Variants in LIG1 observed in about 807,000 individuals in gnomAD.
LIG1 encodes DNA ligase 1, also known as ligase I, DNA, ATP-dependent.
A neutral mutation model predicts 115.7 loss-of-function variants in LIG1; 70 were observed. The ratio of observed to expected loss-of-function variants is 0.60; its 90% CI spans 0.50 to 0.74. LIG1 has a LOEUF of 0.74. Among genes scored for constraint, LIG1 ranks in the 30% least tolerant of loss-of-function variants. The probability of loss-of-function intolerance (pLI) is 0.00; values close to 1 mark genes in which losing one functional copy is unlikely to be tolerated. For missense variants in LIG1, 1,115 were observed against 1,225.6 expected (o/e 0.91, Z 1.35); for synonymous variants, 487 against 495.3 (o/e 0.98, Z 0.22).
At chr19:48,136,380 T>A (rs139318154) in intron 14 of LIG1, among the ~76,000 whole-genome samples, 39 of 152,240 alleles carry the variant, frequency 2.6e-4, no homozygotes, top group Non-Finnish European at 4.4e-4. Flanking sequence ...GCACCTCCCA[T>A]CTCAGCTGCC....
rs186694554 is a variant in LIG1 at position 48,134,257 on chromosome 19, C to T, written c.1524-191G>A. ...CGTGTCACTATCTGTTGCTTTGTCTCCCTTAGTCTGGCCTTGCCCCTGTTC... is the reference window on the plus strand; with the variant it reads ...CGTGTCACTATCTGTTGCTTTGTCTTCCTTAGTCTGGCCTTGCCCCTGTTC... On this transcript the variant is annotated intron_variant, in intron 16 of 27. Transcript: ENST00000263274. 2.5e-3 allele frequency among the ~76,000 whole-genome samples: 387 copies of T among 152,340 alleles called. 6 individuals are homozygous for T. Among genetic ancestry groups the T allele is most frequent in the Admixed American group, 0.02 (312 of 15,304 alleles).
At chr19:48,131,302 A>G (rs574609923) in intron 18 of LIG1, 131 bp from the exon 19 acceptor site, 2 of 691,588 alleles carry the variant, frequency 2.9e-6, no homozygotes, top group East Asian at 2.7e-5. Context: ...CAGAGACTTG[A>G]GCGAATCATC....
At chr19:48,124,993 C>T (rs1292609985) in intron 21 of LIG1, among the ~76,000 whole-genome samples, 3 of 143,378 alleles carry the variant, frequency 2.1e-5, no homozygotes, top group Admixed American at 7.2e-5. Context: ...CCAGCCTGGG[C>T]GACAGAGACT....
intron 1 of LIG1, chr19:48,165,863 T>A: frequency 1.9e-6 from 1 of 522,776 alleles, no homozygotes; most frequent in Non-Finnish European, 3.4e-6. Flanking sequence ...GAAGACTGTT[T>A]TTCATCTAAT....
Position 48,115,528 on chromosome 19 carries a change from C to A in LIG1, c.*121G>T. On this transcript the variant is annotated 3_prime_UTR_variant, in exon 28 of 28. Coordinates refer to ENST00000263274, the MANE Select transcript of LIG1 (RefSeq NM_000234.3). ...TAAGCCACCCCCTCACACACACACC[C>A]CTCCCCTGACTCTCAAAATCCACAG... 4 of 739,914 alleles carry A rather than the reference C, an allele frequency of 5.4e-6. No individual in the cohort carries two copies. Among genetic ancestry groups the A allele is most frequent in the Non-Finnish European group, 9.6e-6 (4 of 417,368 alleles). 45.8% of individuals were successfully genotyped at this position (739,914 alleles called of 1,614,324 possible).
chr19:48,154,303 A>T, intron 5 of LIG1: 1 of 355,402 alleles, frequency 2.8e-6, no homozygotes, highest in Non-Finnish European at 5.5e-6. Context: ...CTCAGATCTT[A>T]ACTGCCTCCA....
chr19:48,118,142 CAG>C (rs1461400163), intron 25 of LIG1, among the ~76,000 whole-genome samples: 3 of 152,076 alleles, frequency 2.0e-5, no homozygotes, highest in African/African-American at 4.8e-5. Flanking sequence ...AGGAAGGAGA[CAG>C]AGACACAGTG....
intron 11 of LIG1, among the ~76,000 whole-genome samples, chr19:48,142,444 A>AAAAAAAAAAAAAAAAAAAAC (rs1370125052): frequency 9.5e-6 from 1 of 104,828 alleles, no homozygotes; most frequent in African/African-American, 4.9e-5. Context: ...CTCCATCTCA[A>AAAAAAAAAAAAAAAAAAAAC]AAAAAAAAAA....
chr19:48,165,799 G>A (rs1468817566), intron 1 of LIG1, 176 bp from the exon 2 acceptor site: 3 of 641,238 alleles, frequency 4.7e-6, no homozygotes, highest in Non-Finnish European at 8.3e-6. Context: ...ATTTACTGGT[G>A]CAGAATAAAA....
At position 48,149,772 on chromosome 19, in the gene LIG1, G is replaced by A; in HGVS notation, c.767C>T (p.Ala256Val). 2 of 1,613,764 alleles carry A rather than the reference G, an allele frequency of 1.2e-6. No individual in the cohort carries two copies. The highest frequency in any genetic ancestry group is 8.5e-7 in the Non-Finnish European group (1 of 1,179,658). The change falls in exon 9 of 28, where the codon GCT (alanine) becomes GTT (valine). Residue 256 changes from alanine to valine, a missense_variant. Physicochemically the swap from Ala to Val is moderately conservative, Grantham distance 64 (BLOSUM62 0). Coordinates refer to ENST00000263274, the MANE Select transcript of LIG1 (RefSeq NM_000234.3). ...CTGGACACTGACTCACCCCTCAGCA[G>A]CTCCCTCCTTTCCTGGAGCCCCTGG... ...EEPGAPGKEGAAEGPLDPSGY... is the reference protein window; with the variant it reads ...EEPGAPGKEGVAEGPLDPSGY...
At chr19:48,162,406 C>A (rs187647785) in intron 2 of LIG1, 55 bp from the exon 3 acceptor site, 2 of 1,246,326 alleles carry the variant, frequency 1.6e-6, no homozygotes, top group Admixed American at 1.7e-5. Context: ...CAATACCCTG[C>A]CTATCTATGC....
chr19:48,133,362 C>G, intron 17 of LIG1: 1 of 491,796 alleles, frequency 2.0e-6, no homozygotes, highest in Non-Finnish European at 3.7e-6. Flanking sequence ...AATCTGGTTG[C>G]CTCCCCTCCC....
Position 48,131,256 on chromosome 19 carries a change from T to C in LIG1, c.1726-85A>G, listed in dbSNP as rs1163019111. 3 of 975,230 alleles carry C rather than the reference T, an allele frequency of 3.1e-6. No homozygotes were observed. The African/African-American group carries it at 4.8e-5, about 16-fold the overall frequency. The allele number at this position is 975,230 out of a possible 1,614,324, so 60.4% of individuals were successfully genotyped here. ...TCTCTTCTGACCCCACCTGCACTGG[T>C]AGAAGGTTCTGGAAGCTCTGGAGGA... On this transcript the variant is annotated intron_variant, in intron 18 of 27. Coordinates refer to ENST00000263274, the MANE Select transcript of LIG1 (RefSeq NM_000234.3).
At chr19:48,116,397 G>A (rs1253709366) in intron 26 of LIG1, among the ~76,000 whole-genome samples, 2 of 144,102 alleles carry the variant, frequency 1.4e-5, no homozygotes, top group African/African-American at 5.3e-5. Context: ...GCAGTGAGCT[G>A]AGATTGCGCC....
At position 48,115,978 on chromosome 19, in the gene LIG1, G is replaced by T. The variant is rs1460344238; in HGVS notation, c.2584-13C>A. 6.2e-6 allele frequency: 10 copies of T among 1,606,884 alleles called. No homozygotes were observed. Among genetic ancestry groups the T allele is most frequent in the Non-Finnish European group, 8.5e-6 (10 of 1,174,770 alleles). On this transcript the variant is annotated splice_polypyrimidine_tract_variant and intron_variant, in intron 26 of 27. Coordinates refer to ENST00000263274, the MANE Select transcript of LIG1 (RefSeq NM_000234.3). ...TGTCACTATCCACCTGCGGAAGCGG[G>T]ATGGAGACTCCTGCGGTCCAGCCCC...
intron 21 of LIG1, among the ~76,000 whole-genome samples, chr19:48,124,306 T>C (rs2033516123): frequency 6.6e-6 from 1 of 152,206 alleles, no homozygotes. Flanking sequence ...AGGTACAATT[T>C]ATCTGGGGTC....
intron 1 of LIG1, among the ~76,000 whole-genome samples, chr19:48,169,039 G>A (rs2036623986): frequency 1.3e-5 from 2 of 152,194 alleles, no homozygotes; most frequent in African/African-American, 4.8e-5. Flanking sequence ...GTAATAAAAA[G>A]AAACGAAGCA....
chr19:48,165,550 A>G lies in LIG1; in HGVS notation c.17T>C (p.Met6Thr), dbSNP rs762111571. Residue 6 changes from methionine to threonine, a missense_variant and splice_region_variant, in exon 2 of 28, where the codon ATG (methionine) becomes ACG (threonine). Transcript: ENST00000263274. ...CTCAGGGGCAAGGGAGGGTGCTCAC[A>G]TGATACTTCGCTGCATGTTGGCGTC... is the stretch of plus-strand genomic sequence containing the variant. MQRSI[M>T]SFFHPKKEGK... The G allele has an allele frequency of 8.1e-6, 13 of 1,612,068 alleles. No individual in the cohort carries two copies. The highest frequency in any genetic ancestry group is 3.3e-5 in the Admixed American group (2 of 59,998).
intron 1 of LIG1, among the ~76,000 whole-genome samples, chr19:48,166,675 T>C (rs958909588): frequency 2.6e-5 from 4 of 152,106 alleles, no homozygotes; most frequent in African/African-American, 9.7e-5. Flanking sequence ...GTAACTCTAA[T>C]GAAAGGGTTC....
Sources: allele counts gnomAD v4.1 joint callset (sites outside exome capture counted in the v4.1 genomes callset), GRCh38; gene constraint gnomAD v4.1.1; transcripts MANE v1.5; gene names NCBI Gene and HGNC (gene_info 2026-07-23, HGNC 2026-07-21).